HYCC1: variants seen among roughly 807,000 people sequenced by gnomAD.
HYCC1 encodes the protein hyccin.
chr7:22,936,897 T>A, the HYCC1 span: 1 of 152,252 alleles, frequency 6.6e-6, no homozygotes, highest in Non-Finnish European at 1.5e-5. Context: ...ATGTATATTA[T>A]GTCCTATTGT....
the HYCC1 span, chr7:22,991,153 T>A: frequency 1.2e-5 from 18 of 1,511,286 alleles, no homozygotes; most frequent in Non-Finnish European, 1.7e-5. Flanking sequence ...AAAATTAACA[T>A]AGAAAAATGT....
chr7:22,905,247 C>G, the HYCC1 span, among the ~76,000 whole-genome samples: 1 of 151,914 alleles, frequency 6.6e-6, no homozygotes, highest in Non-Finnish European at 1.5e-5. Context: ...TGCTGTGTTG[C>G]CCAGGCTGGA....
the HYCC1 span, among the ~76,000 whole-genome samples, chr7:22,982,861 A>G: frequency 6.6e-6 from 1 of 152,148 alleles, no homozygotes; most frequent in African/African-American, 2.4e-5. Flanking sequence ...TTCAGCTCCT[A>G]TCACAGCCTT....
At chr7:22,955,854 G>A in the HYCC1 span, among the ~76,000 whole-genome samples, 2 of 151,394 alleles carry the variant, frequency 1.3e-5, no homozygotes, top group Admixed American at 1.3e-4. Flanking sequence ...AGGTATCTTT[G>A]GAAACGACAT....
chr7:22,935,066 G>A, the HYCC1 span: 1 of 152,154 alleles, frequency 6.6e-6, no homozygotes, highest in Non-Finnish European at 1.5e-5. Context: ...AGCCTCTTAT[G>A]TTAACTCTTT....
the HYCC1 span, among the ~76,000 whole-genome samples, chr7:22,925,241 G>A: frequency 2.6e-4 from 40 of 152,292 alleles, no homozygotes; most frequent in African/African-American, 8.2e-4. Context: ...AAAAAACAGA[G>A]CAGAAAAACC....
the HYCC1 span, among the ~76,000 whole-genome samples, chr7:22,915,313 G>T: frequency 2.6e-5 from 4 of 152,310 alleles, no homozygotes; most frequent in East Asian, 3.9e-4. Flanking sequence ...CACATCTCCA[G>T]CACAAAAGAA....
chr7:22,980,629 GA>G, the HYCC1 span, among the ~76,000 whole-genome samples: 1 of 152,264 alleles, frequency 6.6e-6, no homozygotes, highest in East Asian at 1.9e-4. Context: ...AATTTAGAAG[GA>G]AAATCTTGCA....
At chr7:22,898,658 A>G in the HYCC1 span, among the ~76,000 whole-genome samples, 1 of 145,648 alleles carries the variant, frequency 6.9e-6, no homozygotes, top group African/African-American at 2.6e-5. Context: ...CCTGGAGTAC[A>G]GTGGCATGAT....
At chr7:22,919,399 C>A in the HYCC1 span, among the ~76,000 whole-genome samples, 4 of 152,088 alleles carry the variant, frequency 2.6e-5, no homozygotes, top group Non-Finnish European at 4.4e-5. Flanking sequence ...TGTGGTGGCA[C>A]GTGCCTGTAA....
At chr7:22,971,611 G>C in the HYCC1 span, among the ~76,000 whole-genome samples, 1 of 149,350 alleles carries the variant, frequency 6.7e-6, no homozygotes, top group Non-Finnish European at 1.5e-5. Context: ...GGGAGGCGGA[G>C]GTTACAGTGA....
chr7:22,940,819 C>T, the HYCC1 span: 5 of 135,278 alleles, frequency 3.7e-5, no homozygotes, highest in Admixed American at 2.2e-4. Flanking sequence ...TCTTCTTTTG[C>T]TTTTTTTTTT....
chr7:22,915,424 T>C, the HYCC1 span, among the ~76,000 whole-genome samples: 1 of 152,212 alleles, frequency 6.6e-6, no homozygotes, highest in Non-Finnish European at 1.5e-5. Context: ...GGCCAAGGAA[T>C]GCCTGCAGCC....
At chr7:22,934,401 T>C in the HYCC1 span, 4 of 152,150 alleles carry the variant, frequency 2.6e-5, no homozygotes, top group Non-Finnish European at 5.9e-5. Flanking sequence ...GTGGTTTCCA[T>C]AACTTGTTTG....
At chr7:22,927,946 G>A in the HYCC1 span, among the ~76,000 whole-genome samples, 30 of 152,224 alleles carry the variant, frequency 2.0e-4, no homozygotes, top group East Asian at 5.0e-3. Context: ...ATAAAATACT[G>A]GCAAACCGAA....
At chr7:22,985,778 G>A in the HYCC1 span, 2 of 150,324 alleles carry the variant, frequency 1.3e-5, no homozygotes, top group African/African-American at 4.9e-5. Context: ...CAAATAAACA[G>A]CAGATTCCTA....
chr7:22,977,320 CT>C, the HYCC1 span: 1 of 1,419,296 alleles, frequency 7.0e-7, no homozygotes, highest in South Asian at 1.1e-5. Flanking sequence ...AATAAACTTA[CT>C]GTGATAAAAT....
chr7:22,961,322 A>T, the HYCC1 span: 3 of 1,509,236 alleles, frequency 2.0e-6, no homozygotes, highest in South Asian at 3.5e-5. Flanking sequence ...CTCCATTATA[A>T]CTATAAAATT....
At chr7:23,004,302 GT>G in the HYCC1 span, among the ~76,000 whole-genome samples, 11 of 152,146 alleles carry the variant, frequency 7.2e-5, no homozygotes, top group Non-Finnish European at 1.6e-4. Flanking sequence ...TGAAGAAAGG[GT>G]TTATTATAGA....
Sources: allele counts gnomAD v4.1 joint callset (sites outside exome capture counted in the v4.1 genomes callset), GRCh38; gene constraint gnomAD v4.1.1; transcripts MANE v1.5; gene names NCBI Gene and HGNC (gene_info 2026-07-23, HGNC 2026-07-21).